The following VTI1A variants were observed in gnomAD, a reference collection of about 807,000 sequenced individuals.
The protein encoded by VTI1A is vesicle transport through interaction with t-SNAREs homolog 1A.
Under a neutral mutation model 34.9 loss-of-function variants are expected in VTI1A, and 22 were observed. The observed-to-expected ratio is 0.63, with a 90% CI of 0.45 to 0.90. The LOEUF is 0.90. Ranked by LOEUF, VTI1A falls within the 40% of genes least tolerant of loss-of-function variation. The pLI, the probability that VTI1A is intolerant of heterozygous loss-of-function variation, is 0.00. For synonymous variants in VTI1A, 87 were observed against 97.3 expected (o/e 0.89, Z 0.62); for missense variants, 268 against 275.6 (o/e 0.97, Z 0.20).
chr10:112,553,127 T>C (rs1851423689), intron 5 of VTI1A, among the ~76,000 whole-genome samples: 1 of 152,218 alleles, frequency 6.6e-6, no homozygotes, highest in Middle Eastern at 3.2e-3. Flanking sequence ...CTGTTCTCCT[T>C]TGAGGATTTA....
At chr10:112,527,337 T>TA in intron 4 of VTI1A, 173 bp downstream of exon 4, 1 of 500,544 alleles carries the variant, frequency 2.0e-6, no homozygotes. Context: ...TTGGAGATCT[T>TA]ACATTTAACC....
In VTI1A at chr10:112,817,765, G is replaced by A. The variant is rs1853566169; in HGVS notation, c.*2382G>A. Reference sequence around the variant, plus strand: ...TTGAAGCAGATAGTGAAGTAGATCTGTGAGAGGTTCTAGGTACTTAGTGTG... The same window carrying A: ...TTGAAGCAGATAGTGAAGTAGATCTATGAGAGGTTCTAGGTACTTAGTGTG... On this transcript the variant is annotated 3_prime_UTR_variant, in exon 8 of 8. Coordinates refer to ENST00000393077, the MANE Select transcript of VTI1A (RefSeq NM_145206.4). 4.3e-6 allele frequency: 1 copy of A among 231,018 alleles called. No homozygotes were observed. Among genetic ancestry groups the A allele is most frequent in the East Asian group, 6.1e-5 (1 of 16,356 alleles). The allele number at this position is 231,018 out of a possible 1,614,324, so 14.3% of individuals were successfully genotyped here.
intron 3 of VTI1A, among the ~76,000 whole-genome samples, chr10:112,506,514 A>G (rs1057379078): frequency 7.2e-5 from 11 of 152,160 alleles, no homozygotes; most frequent in Non-Finnish European, 1.6e-4. Context: ...TTTGCAGTCT[A>G]CTTTCAAACA....
chr10:112,543,542 T>A (rs1850949233), intron 5 of VTI1A, among the ~76,000 whole-genome samples: 1 of 152,232 alleles, frequency 6.6e-6, no homozygotes, highest in African/African-American at 2.4e-5. Flanking sequence ...TTTTTTCTTC[T>A]AAATTTGTTT....
intron 7 of VTI1A, among the ~76,000 whole-genome samples, chr10:112,694,412 G>C (rs1233648221): frequency 6.6e-6 from 1 of 151,710 alleles, no homozygotes; most frequent in Non-Finnish European, 1.5e-5. Context: ...ATGGACGGAC[G>C]GACAGACTTA....
intron 7 of VTI1A, chr10:112,737,504 T>A: frequency 9.5e-7 from 1 of 1,050,958 alleles, no homozygotes; most frequent in Non-Finnish European, 1.1e-6. Context: ...TTCCCTGGGA[T>A]GCCTTAGACG....
chr10:112,849,708 T>C, the VTI1A span, among the ~76,000 whole-genome samples: 5 of 152,338 alleles, frequency 3.3e-5, no homozygotes, highest in South Asian at 2.1e-4. Flanking sequence ...TTGACTGATA[T>C]TCTGTCAAAT....
the VTI1A span, chr10:112,832,092 C>T: frequency 2.0e-5 from 3 of 152,128 alleles, no homozygotes; most frequent in African/African-American, 7.2e-5. Flanking sequence ...TCTTGTAAAA[C>T]TTTTACAAGG....
chr10:112,548,816 CACCAG>C, intron 5 of VTI1A: 1 of 1,497,298 alleles, frequency 6.7e-7, no homozygotes, highest in Non-Finnish European at 9.0e-7. Context: ...ATGGCAGCAT[CACCAG>C]ACTTTAAGAA....
chr10:112,575,102 A>G (rs1294164934), intron 5 of VTI1A, among the ~76,000 whole-genome samples: 1 of 152,222 alleles, frequency 6.6e-6, no homozygotes, highest in Admixed American at 6.5e-5. Flanking sequence ...TGCAATTTCC[A>G]TGACCACAAG....
At chr10:112,537,311 G>GTGTATATA (rs1419438697) in intron 4 of VTI1A, among the ~76,000 whole-genome samples, 1 of 65,222 alleles carries the variant, frequency 1.5e-5, no homozygotes, top group African/African-American at 4.5e-5. Flanking sequence ...AAGTATCTAG[G>GTGTATATA]TATATATATA....
At chr10:112,639,247 A>G (rs1438918296) in intron 5 of VTI1A, among the ~76,000 whole-genome samples, 1 of 152,200 alleles carries the variant, frequency 6.6e-6, no homozygotes, top group Non-Finnish European at 1.5e-5. Context: ...ACTAAATTTC[A>G]TTGACAATTA....
intron 7 of VTI1A, among the ~76,000 whole-genome samples, chr10:112,760,902 A>C (rs1431957945): frequency 6.6e-6 from 1 of 152,066 alleles, no homozygotes; most frequent in African/African-American, 2.4e-5. Flanking sequence ...AAAAAAAAAA[A>C]AAAAAACCAA....
intron 3 of VTI1A, among the ~76,000 whole-genome samples, chr10:112,525,316 C>T (rs904203197): frequency 7.9e-5 from 12 of 152,138 alleles, no homozygotes; most frequent in African/African-American, 2.4e-4. Context: ...ATTTGTGCAG[C>T]GAAATGGGGT....
chr10:112,792,057 C>A (rs1468404287), intron 7 of VTI1A, among the ~76,000 whole-genome samples: 1 of 152,078 alleles, frequency 6.6e-6, no homozygotes, highest in Non-Finnish European at 1.5e-5. Flanking sequence ...AGGCGTATCA[C>A]AATGTCAGGA....
chr10:112,791,586 C>G (rs1852479414), intron 7 of VTI1A, among the ~76,000 whole-genome samples: 1 of 151,996 alleles, frequency 6.6e-6, no homozygotes, highest in African/African-American at 2.4e-5. Context: ...CTAAAGGTCC[C>G]AATTGCTGCC....
chr10:112,676,292 AATACTTCTTGCACTG>A (rs1848023116), intron 7 of VTI1A, among the ~76,000 whole-genome samples: 1 of 152,006 alleles, frequency 6.6e-6, no homozygotes. Context: ...CTCACTCAGC[AATACTTCTTGCACTG>A]CTCTGGTGCG....
intron 5 of VTI1A, among the ~76,000 whole-genome samples, chr10:112,627,864 G>A (rs909155741): frequency 1.3e-5 from 2 of 151,994 alleles, no homozygotes; most frequent in Admixed American, 1.3e-4. Flanking sequence ...ATAATATAAA[G>A]TAAAATAAAG....
intron 7 of VTI1A, among the ~76,000 whole-genome samples, chr10:112,808,161 T>G (rs1216623962): frequency 6.6e-6 from 1 of 152,112 alleles, no homozygotes; most frequent in African/African-American, 2.4e-5. Context: ...AAGGCTGCAG[T>G]GAGCTGTGAT....
Sources: allele counts gnomAD v4.1 joint callset (sites outside exome capture counted in the v4.1 genomes callset), GRCh38; gene constraint gnomAD v4.1.1; transcripts MANE v1.5; gene names NCBI Gene and HGNC (gene_info 2026-07-23, HGNC 2026-07-21).